Variants in ELP4 observed in about 807,000 individuals in gnomAD.
ELP4 encodes the protein elongator complex protein 4.
Under a neutral mutation model 48.9 loss-of-function variants are expected in ELP4, and 51 were observed. That is an observed-to-expected ratio of 1.04 (90% CI 0.83 to 1.32). ELP4 has a LOEUF of 1.32. Among genes scored for constraint, ELP4 ranks in the 40% most tolerant of loss-of-function variants. The probability of loss-of-function intolerance (pLI) is 0.00; values close to 1 mark genes in which losing one functional copy is unlikely to be tolerated. For missense variants in ELP4, 519 were observed against 514.6 expected, an observed-to-expected ratio of 1.01 and a Z score of -0.08; for synonymous variants, 210 against 189.2, an observed-to-expected ratio of 1.11 and a Z score of -0.90.
intron 9 of ELP4, among the ~76,000 whole-genome samples, chr11:31,718,679 C>T (rs1946891364): frequency 6.6e-6 from 1 of 152,216 alleles, no homozygotes; most frequent in Admixed American, 6.5e-5. Flanking sequence ...TTGCATGTGA[C>T]CTGGACTTCC....
chr11:31,538,943 CTT>C (rs1956549724), intron 2 of ELP4, among the ~76,000 whole-genome samples: 1 of 151,996 alleles, frequency 6.6e-6, no homozygotes, highest in Non-Finnish European at 1.5e-5. Context: ...TTGTAAAACT[CTT>C]TGATTTTGAT....
intron 3 of ELP4, among the ~76,000 whole-genome samples, chr11:31,574,909 C>A (rs1191953900): frequency 6.6e-6 from 1 of 152,186 alleles, no homozygotes; most frequent in Non-Finnish European, 1.5e-5. Flanking sequence ...TCCTCGCCAG[C>A]AACAGAACAA....
At chr11:31,556,046 C>G (rs1956925565) in intron 3 of ELP4, among the ~76,000 whole-genome samples, 1 of 151,908 alleles carries the variant, frequency 6.6e-6, no homozygotes, top group Non-Finnish European at 1.5e-5. Context: ...CCATAATTAT[C>G]TTAAAGCTGT....
In ELP4 at chr11:31,613,607, CCAAACTGTTAA is replaced by C. The variant is rs1489672672; in HGVS notation, c.653+9704_653+9714del. On this transcript the variant is annotated intron_variant, in intron 5 of 9. Coordinates refer to ENST00000640961, the MANE Select transcript of ELP4 (RefSeq NM_019040.5). Reference sequence around the variant, plus strand: ...AGAGAGATGTCTTACAGGATATTCACCAAACTGTTAACAATATTTGCCTCTGGGTGGTGGAT... The same window carrying C: ...AGAGAGATGTCTTACAGGATATTCACCAATATTTGCCTCTGGGTGGTGGAT... Among the ~76,000 whole-genome samples the C allele has an allele frequency of 2.0e-5, 3 of 151,944 alleles. No individual in the cohort carries two copies. The East Asian group carries it at 5.8e-4, about 29-fold the overall frequency.
chr11:31,550,682 A>G (rs780622337), intron 3 of ELP4, among the ~76,000 whole-genome samples: 21 of 152,306 alleles, frequency 1.4e-4, no homozygotes, highest in South Asian at 2.1e-4. Flanking sequence ...ACTCTTGCAA[A>G]AATACCCTTG....
intron 1 of ELP4, among the ~76,000 whole-genome samples, chr11:31,516,679 A>T (rs1178767885): frequency 6.6e-6 from 1 of 152,072 alleles, no homozygotes; most frequent in African/African-American, 2.4e-5. Flanking sequence ...TTTTGTAGAG[A>T]TGGAGTTTTG....
At chr11:31,676,121 C>T (rs1301839700) in intron 9 of ELP4, among the ~76,000 whole-genome samples, 1 of 151,998 alleles carries the variant, frequency 6.6e-6, no homozygotes, top group Non-Finnish European at 1.5e-5. Flanking sequence ...TTTTATTCCT[C>T]TCCCACCATT....
intron 9 of ELP4, among the ~76,000 whole-genome samples, chr11:31,694,186 T>G (rs367730051): frequency 0.03 from 4,553 of 152,240 alleles, 183 homozygotes; most frequent in Admixed American, 0.1. Flanking sequence ...ATTTGTCAAT[T>G]TTGGCTTTTG....
chr11:31,722,707 TTCTCTCTC>T (rs769685133), intron 9 of ELP4, among the ~76,000 whole-genome samples: 1 of 78,576 alleles, frequency 1.3e-5, no homozygotes, highest in Non-Finnish European at 2.3e-5. Flanking sequence ...GTCTCTCTCT[TTCTCTCTC>T]TCTCTCTCTC....
At chr11:31,643,032 T>C (rs1287888510) in intron 7 of ELP4, among the ~76,000 whole-genome samples, 1 of 151,836 alleles carries the variant, frequency 6.6e-6, no homozygotes, top group East Asian at 1.9e-4. Flanking sequence ...CCTATATTCA[T>C]GTTCTCTGCA....
chr11:31,703,838 A>G (rs1215865028), intron 9 of ELP4, among the ~76,000 whole-genome samples: 1 of 152,202 alleles, frequency 6.6e-6, no homozygotes, highest in Non-Finnish European at 1.5e-5. Context: ...TAATTCTCAA[A>G]TTGTTTGAAA....
intron 3 of ELP4, among the ~76,000 whole-genome samples, chr11:31,545,318 C>T (rs1488839024): frequency 1.3e-5 from 2 of 152,028 alleles, no homozygotes; most frequent in East Asian, 1.9e-4. Flanking sequence ...AGCCAAGGCT[C>T]GAGAACTATG....
chr11:31,577,562 C>A (rs867850685), intron 3 of ELP4, among the ~76,000 whole-genome samples: 1 of 151,876 alleles, frequency 6.6e-6, no homozygotes. Context: ...GCTGGCAAAC[C>A]AAATCCAGCA....
intron 3 of ELP4, among the ~76,000 whole-genome samples, chr11:31,555,630 A>G (rs1956919486): frequency 6.6e-6 from 1 of 151,830 alleles, no homozygotes; most frequent in Admixed American, 6.6e-5. Context: ...TTTAGAATAT[A>G]CTATATTTAA....
chr11:31,665,344 C>T (rs1015335907), intron 9 of ELP4, among the ~76,000 whole-genome samples: 4 of 152,118 alleles, frequency 2.6e-5, no homozygotes, highest in Non-Finnish European at 5.9e-5. Context: ...GGAAGTCTCT[C>T]TCCCTCTCGC....
At chr11:31,588,396 C>G (rs1957512605) in intron 3 of ELP4, among the ~76,000 whole-genome samples, 1 of 152,092 alleles carries the variant, frequency 6.6e-6, no homozygotes, top group Non-Finnish European at 1.5e-5. Flanking sequence ...AACTGGTAAA[C>G]TCCTAACTTC....
chr11:31,624,671 T>G (rs1944701595), intron 5 of ELP4, among the ~76,000 whole-genome samples: 1 of 151,882 alleles, frequency 6.6e-6, no homozygotes, highest in South Asian at 2.1e-4. Flanking sequence ...CATTTTTAAT[T>G]TATAAACTTC....
At chr11:31,637,333 G>A (rs969376776) in intron 7 of ELP4, 5 of 151,836 alleles carry the variant, frequency 3.3e-5, no homozygotes, top group African/African-American at 4.8e-5. Context: ...CAACTCAACT[G>A]TTCAAAACTC....
At chr11:31,551,985 C>T (rs985924644) in intron 3 of ELP4, among the ~76,000 whole-genome samples, 3 of 152,076 alleles carry the variant, frequency 2.0e-5, no homozygotes, top group African/African-American at 7.2e-5. Context: ...ACTTTGGTTT[C>T]CCTAGCAATT....
Sources: allele counts gnomAD v4.1 joint callset (sites outside exome capture counted in the v4.1 genomes callset), GRCh38; gene constraint gnomAD v4.1.1; transcripts MANE v1.5; gene names NCBI Gene and HGNC (gene_info 2026-07-23, HGNC 2026-07-21).